The following BRD4 variants were observed in gnomAD, a reference collection of about 807,000 sequenced individuals.
BRD4 encodes bromodomain-containing protein 4.
In BRD4, 16 loss-of-function variants were observed where a neutral mutation model predicts 142.1. The observed-to-expected ratio is 0.11, with a 90% confidence interval of 0.08 to 0.17. BRD4 has a LOEUF of 0.17. Among genes scored for constraint, BRD4 ranks in the 10% least tolerant of loss-of-function variants. The probability of loss-of-function intolerance (pLI) is 1.00; values close to 1 mark genes in which losing one functional copy is unlikely to be tolerated. For synonymous variants in BRD4, 833 were observed against 707.5 expected (o/e 1.18, Z -2.82); for missense variants, 1,424 against 1,810.9 (o/e 0.79, Z 3.88).
In BRD4 at chr19:15,256,222, G is replaced by T. The variant is rs144298082; in HGVS notation, c.1593C>A (p.Pro531=). The T allele has an allele frequency of 6.2e-7, 1 of 1,612,826 alleles. No homozygotes were observed. ...CCTTTTTCTTTGGTTTGTTCTGCTG[G>T]GGCTGAGAGAGGGCTGCAAGCTGCT... is the stretch of plus-strand genomic sequence containing the variant. The part of the protein sequence containing the change: ...VHEQLAALSQ[P]QQNKPKKKEK... Residue 531 remains proline, a synonymous_variant, in exon 9 of 20, where the codon CCC becomes CCA. Coordinates refer to ENST00000679869, the MANE Select transcript of BRD4 (RefSeq NM_001379291.1).
In BRD4 at chr19:15,237,164, CAA is replaced by C. The variant is rs922398369; in HGVS notation, c.*1211_*1212del. ...TGGCCCTTCCTTTCTCAGTAAAAAACAAAAACAAAAACAAAAACCAAAACCAA... is the reference window on the plus strand; with the variant it reads ...TGGCCCTTCCTTTCTCAGTAAAAAACAAACAAAAACAAAAACCAAAACCAA... On this transcript the variant is annotated 3_prime_UTR_variant, in exon 20 of 20. Transcript: ENST00000679869. 27 of 167,344 alleles carry C rather than the reference CAA, an allele frequency of 1.6e-4. No homozygotes were observed. The highest frequency in any genetic ancestry group is 6.9e-4 in the African/African-American group (25 of 36,458). The allele number at this position is 167,344 out of a possible 1,614,324, so 10.4% of individuals were successfully genotyped here.
Position 15,242,754 on chromosome 19 carries a change from T to C in BRD4, c.3169+146A>G, listed in dbSNP as rs1017431640. The C allele has an allele frequency of 3.3e-5, 42 of 1,279,890 alleles. No homozygotes were observed. The Middle Eastern group carries it at 9.1e-4, about 28-fold the overall frequency. 79.3% of individuals were successfully genotyped at this position (1,279,890 alleles called of 1,614,324 possible). On this transcript the variant is annotated intron_variant, in intron 14 of 19. Transcript: ENST00000679869. ...AAACACACACTGTAGGAAGCACCAATGACCCTTCCAGGTCCCCCTCCAAGC... is the reference window on the plus strand; with the variant it reads ...AAACACACACTGTAGGAAGCACCAACGACCCTTCCAGGTCCCCCTCCAAGC...
At chr19:15,256,862 C>A in intron 8 of BRD4, 102 bp downstream of exon 8, 2 of 1,077,452 alleles carry the variant, frequency 1.9e-6, no homozygotes, top group South Asian at 3.3e-5. Context: ...AATTATGCTC[C>A]CTTGGGAACT....
At chr19:15,258,332 CT>C (rs202020555) in intron 7 of BRD4, among the ~76,000 whole-genome samples, 3 of 151,728 alleles carry the variant, frequency 2.0e-5, no homozygotes, top group African/African-American at 4.8e-5. Context: ...TAGCCAATAA[CT>C]TTTTTTTTGG....
chr19:15,242,849 C>T (rs1416927272), intron 14 of BRD4, 51 bp downstream of exon 14: 2 of 1,563,010 alleles, frequency 1.3e-6, no homozygotes, highest in African/African-American at 1.4e-5. Context: ...GAGGACAAAA[C>T]TATAGGCCCA....
Position 15,265,426 on chromosome 19 carries a change from G to A in BRD4, c.777C>T (p.Pro259=), listed in dbSNP as rs1318285070. ...CGGGCTGGGGAGCTGGAGCGGGTGG[G>A]GGTTGTGGCTGGGGGGGCACTGGCG... The part of the protein sequence containing the change: ...TPPPVPPQPQ[P]PPAPAPQPVQ... Residue 259 remains proline, a synonymous_variant, in exon 5 of 20, where the codon CCC becomes CCT. Coordinates refer to ENST00000679869, the MANE Select transcript of BRD4 (RefSeq NM_001379291.1). The A allele has an allele frequency of 1.3e-6, 2 of 1,565,018 alleles. No homozygotes were observed. Among genetic ancestry groups the A allele is most frequent in the African/African-American group, 2.7e-5 (2 of 73,854 alleles).
At chr19:15,314,940 C>A (rs954105012) in intron 1 of BRD4, among the ~76,000 whole-genome samples, 1 of 152,150 alleles carries the variant, frequency 6.6e-6, no homozygotes, top group Non-Finnish European at 1.5e-5. Flanking sequence ...ATCAAATGAA[C>A]GGAATGAGGC....
rs1331708274 is a variant in BRD4, at chr19:15,289,665, CAAAAAAAAAAAG to C, written c.-34-16544_-34-16533del. Among the ~76,000 whole-genome samples, 743 of 115,570 alleles carry C rather than the reference CAAAAAAAAAAAG, an allele frequency of 6.4e-3. 11 individuals carry two copies. The highest frequency in any genetic ancestry group is 0.025 in the South Asian group (95 of 3,748). 75.8% of individuals were successfully genotyped at this position (115,570 alleles called of 152,430 possible). ...TGCAAAAGTAATTGCGGTTTTGATC[CAAAAAAAAAAAG>C]AAAAAAAAAAGCCAAAACAGCAGTT... On this transcript the variant is annotated intron_variant, in intron 1 of 19. Transcript: ENST00000679869.
At chr19:15,301,869 A>G (rs1024734698) in intron 1 of BRD4, among the ~76,000 whole-genome samples, 33 of 143,460 alleles carry the variant, frequency 2.3e-4, no homozygotes, top group African/African-American at 6.4e-4. Flanking sequence ...CTCAAAGAAA[A>G]AAAAAAAAAA....
At chr19:15,249,276 A>G (rs2145539235) in intron 11 of BRD4, 16 of 1,614,038 alleles carry the variant, frequency 9.9e-6, no homozygotes, top group Non-Finnish European at 1.4e-5. Flanking sequence ...TCCGTGTCCA[A>G]TGATTAGGCA....
chr19:15,240,666 C>T (rs1340883283), intron 14 of BRD4, among the ~76,000 whole-genome samples: 1 of 152,232 alleles, frequency 6.6e-6, no homozygotes, highest in Admixed American at 6.5e-5. Context: ...CACCTGCATC[C>T]AACCCAAGGC....
rs2145576456 is a variant in BRD4, at chr19:15,257,137, C to T, written c.1378G>A (p.Glu460Lys). 1 of 1,608,714 alleles carries T rather than the reference C, an allele frequency of 6.2e-7. No individual in the cohort carries two copies. Residue 460 changes from glutamate (E) to lysine (K), a missense_variant, in exon 8 of 20, where the codon GAG becomes AAG. Glu to Lys is a moderately conservative substitution (Grantham distance 56). Transcript: ENST00000679869. ...FEMRFAKMPD[E>K]PEEPVVAVSS... ...ACGGCCACCACTGGCTCCTCAGGCT[C>T]GTCCGGCATCTTGGCAAAGCGCATT...
At chr19:15,278,605 G>GTT (rs149915781) in intron 1 of BRD4, among the ~76,000 whole-genome samples, 176 of 137,928 alleles carry the variant, frequency 1.3e-3, no homozygotes, top group Non-Finnish European at 1.5e-3. Flanking sequence ...ATATATTCCT[G>GTT]TTTTTTTTTT....
chr19:15,329,467 G>A (rs1278497431), intron 1 of BRD4, among the ~76,000 whole-genome samples: 1 of 152,156 alleles, frequency 6.6e-6, no homozygotes, highest in Non-Finnish European at 1.5e-5. Flanking sequence ...CAGGCCGGGC[G>A]CAGTGGCTCA....
intron 1 of BRD4, among the ~76,000 whole-genome samples, chr19:15,310,626 T>G (rs952600442): frequency 2.0e-5 from 3 of 151,924 alleles, no homozygotes; most frequent in Non-Finnish European, 4.4e-5. Flanking sequence ...CCCAAAGTAC[T>G]GGGATTACAG....
chr19:15,267,102 C>A (rs2047542228), intron 4 of BRD4, among the ~76,000 whole-genome samples: 1 of 152,204 alleles, frequency 6.6e-6, no homozygotes, highest in African/African-American at 2.4e-5. Flanking sequence ...TAAAAACCAC[C>A]TATGATACTG....
chr19:15,239,703 G>C lies in BRD4; in HGVS notation c.3401C>G (p.Pro1134Arg). 3 of 1,596,020 alleles carry C rather than the reference G, an allele frequency of 1.9e-6. No homozygotes were observed. The highest frequency in any genetic ancestry group is 2.5e-6 in the Non-Finnish European group (3 of 1,178,070). Reference protein sequence around the residue: ...PFSPSLRPEPPKHPESIKAPV... With the variant: ...PFSPSLRPEPRKHPESIKAPV... Reference sequence around the variant, plus strand: ...GGCCTTGATGCTCTCCGGGTGCTTGGGGGGCTCCGGCCGCAGCGAGGGGCT... The same window carrying C: ...GGCCTTGATGCTCTCCGGGTGCTTGCGGGGCTCCGGCCGCAGCGAGGGGCT... Residue 1134 changes from proline to arginine, a missense_variant, in exon 16 of 20, where the codon CCC (proline) becomes CGC (arginine). Transcript: ENST00000679869. This position sits in a 1 kb window ranked among gnomAD's most constrained non-coding sequence, Gnocchi z 7.4.
At chr19:15,267,667 G>C in intron 3 of BRD4, 116 bp from the exon 4 acceptor site, 1 of 1,238,680 alleles carries the variant, frequency 8.1e-7, no homozygotes, top group Admixed American at 2.3e-5. Flanking sequence ...CGTATTCCGG[G>C]TCCTTCCCCG....
intron 11 of BRD4, chr19:15,249,360 A>C: frequency 1.2e-6 from 2 of 1,612,636 alleles, no homozygotes; most frequent in Non-Finnish European, 1.7e-6. Context: ...TCACAAGAAC[A>C]GAAGAACCGC....
Sources: gnomAD v4.1 joint callset for allele counts (sites outside exome capture counted in the v4.1 genomes callset) on GRCh38, gnomAD v4.1.1 for gene constraint, Gnocchi (gnomAD v3.1) non-coding constraint, MANE v1.5 for transcripts, NCBI Gene and HGNC (gene_info 2026-07-23, HGNC 2026-07-21) for gene names.